Variants in TBC1D15 observed in about 807,000 individuals in gnomAD.
The protein encoded by TBC1D15 is GAP for RAB7.
TBC1D15 carries 39 observed loss-of-function variants against 95.4 expected under a neutral mutation model. The ratio of observed to expected loss-of-function variants is 0.41; its 90% confidence interval spans 0.32 to 0.53. The LOEUF (loss-of-function observed/expected upper bound fraction) is 0.53. Among genes scored for constraint, TBC1D15 ranks in the 20% least tolerant of loss-of-function variants. The pLI is 0.29. For missense variants in TBC1D15, 733 were observed against 794.3 expected (o/e 0.92, Z 0.93); for synonymous variants, 258 against 261.3 (o/e 0.99, Z 0.12).
At chr12:71,867,943 G>A (rs911368728) in intron 1 of TBC1D15, among the ~76,000 whole-genome samples, 91 of 152,308 alleles carry the variant, frequency 6.0e-4, no homozygotes, top group African/African-American at 2.1e-3. Flanking sequence ...AGTAAATTAT[G>A]TACCAATGCA....
intron 10 of TBC1D15, among the ~76,000 whole-genome samples, chr12:71,902,924 T>G (rs950295731): frequency 5.9e-5 from 9 of 152,162 alleles, no homozygotes; most frequent in Non-Finnish European, 8.8e-5. Context: ...AGCAGACTTT[T>G]TTTTTTGAGA....
At position 71,839,798 on chromosome 12, in the gene TBC1D15, T is replaced by C. The variant is rs1272101183; in HGVS notation, c.17T>C (p.Val6Ala). 6 of 1,614,064 alleles carry C rather than the reference T, an allele frequency of 3.7e-6. No homozygotes were observed. The highest frequency in any genetic ancestry group is 5.1e-6 in the Non-Finnish European group (6 of 1,179,996). MAAAG[V>A]VSGKIIYEQE... The stretch of plus-strand genomic sequence containing the variant: ...GCAGGAAACATGGCGGCGGCGGGTG[T>C]TGTGAGCGGGAAGGTAGGTAACGGC... The change falls in exon 1 of 17, where the codon GTT becomes GCT. Residue 6 changes from valine (V) to alanine (A), a missense_variant. Coordinates refer to ENST00000485960, the MANE Select transcript of TBC1D15 (RefSeq NM_001146213.3).
chr12:71,846,365 T>G (rs1886265062), intron 1 of TBC1D15, among the ~76,000 whole-genome samples: 1 of 152,240 alleles, frequency 6.6e-6, no homozygotes, highest in African/African-American at 2.4e-5. Flanking sequence ...TCCTTTTTTT[T>G]GTAGTATTTT....
At chr12:71,882,086 A>G (rs1370090870) in intron 4 of TBC1D15, among the ~76,000 whole-genome samples, 1 of 151,878 alleles carries the variant, frequency 6.6e-6, no homozygotes, top group Admixed American at 6.6e-5. Context: ...CCCCCAAAGA[A>G]AAAGCTTTTG....
At position 71,884,812 on chromosome 12, in the gene TBC1D15, T is replaced by A. The variant is rs1895906779; in HGVS notation, c.345T>A (p.Asp115Glu). Reference sequence around the variant, plus strand: ...TTGCCCCACTTTCTTGTTTTTAAGATGCTCCAAGTCATAGAAATGGGAAAA... The same window carrying A: ...TTGCCCCACTTTCTTGTTTTTAAGAAGCTCCAAGTCATAGAAATGGGAAAA... The part of the protein sequence containing the change: ...SFKRKPHTNG[D>E]APSHRNGKSK... Residue 115 changes from aspartate (D) to glutamate (E), a missense_variant and splice_region_variant, in exon 5 of 17, where the codon GAT becomes GAA. Asp to Glu is a conservative substitution (Grantham distance 45, BLOSUM62 2). Coordinates refer to ENST00000485960, the MANE Select transcript of TBC1D15 (RefSeq NM_001146213.3). The A allele has an allele frequency of 6.2e-7, 1 of 1,613,790 alleles. No individual in the cohort carries two copies.
At chr12:71,893,426 A>G (rs1897568478) in intron 6 of TBC1D15, 102 bp downstream of exon 6, 2 of 596,450 alleles carry the variant, frequency 3.4e-6, no homozygotes, top group Non-Finnish European at 5.5e-6. Flanking sequence ...ACAGGTACAT[A>G]TATATACATA....
chr12:71,918,965 G>A (rs1317078390), intron 14 of TBC1D15, among the ~76,000 whole-genome samples: 1 of 152,072 alleles, frequency 6.6e-6, no homozygotes, highest in African/African-American at 2.4e-5. Context: ...GGTTCAGGGA[G>A]TACATGTGCA....
chr12:71,886,600 A>G (rs1054611305), intron 5 of TBC1D15, among the ~76,000 whole-genome samples: 1 of 152,194 alleles, frequency 6.6e-6, no homozygotes, highest in East Asian at 1.9e-4. Context: ...AAGATTCTCG[A>G]CTGTGTATTT....
At chr12:71,892,119 T>A (rs1165460114) in intron 5 of TBC1D15, among the ~76,000 whole-genome samples, 1 of 152,088 alleles carries the variant, frequency 6.6e-6, no homozygotes, top group East Asian at 1.9e-4. Flanking sequence ...CCCCTCAAAA[T>A]ATTCAGAAAA....
chr12:71,866,745 C>T (rs1293823743), intron 1 of TBC1D15, among the ~76,000 whole-genome samples: 1 of 152,214 alleles, frequency 6.6e-6, no homozygotes, highest in African/African-American at 2.4e-5. Context: ...GCCACTGTGC[C>T]TGGCCTGTCT....
intron 14 of TBC1D15, among the ~76,000 whole-genome samples, chr12:71,919,790 A>G (rs1868547777): frequency 6.6e-6 from 1 of 152,218 alleles, no homozygotes; most frequent in African/African-American, 2.4e-5. Flanking sequence ...GGTCATCACC[A>G]AGGTCTGATT....
rs1280168283 is a variant in TBC1D15, at chr12:71,923,613, C to T, written c.*409C>T. The T allele has an allele frequency of 6.3e-6, 1 of 159,046 alleles. No individual in the cohort carries two copies. Among genetic ancestry groups the T allele is most frequent in the African/African-American group, 2.4e-5 (1 of 41,498 alleles). 9.9% of individuals were successfully genotyped at this position (159,046 alleles called of 1,614,324 possible). Reference sequence around the variant, plus strand: ...TTCTAAGCTGAGAAGTAGATTGTTACCCAGTAATGAAATAAAAAATAAAAA... The same window carrying T: ...TTCTAAGCTGAGAAGTAGATTGTTATCCAGTAATGAAATAAAAAATAAAAA... On this transcript the variant is annotated 3_prime_UTR_variant, in exon 17 of 17. Transcript: ENST00000485960.
chr12:71,853,326 C>T (rs1413508045), intron 1 of TBC1D15, among the ~76,000 whole-genome samples: 1 of 152,132 alleles, frequency 6.6e-6, no homozygotes, highest in Non-Finnish European at 1.5e-5. Context: ...CCCATAATTC[C>T]ATTACCTCCC....
At chr12:71,862,859 C>CT (rs200827795) in intron 1 of TBC1D15, among the ~76,000 whole-genome samples, 2,242 of 152,248 alleles carry the variant, frequency 0.015, 29 homozygotes, top group Non-Finnish European at 0.021. Context: ...TAATTTTCAT[C>CT]TTTTTTTCCT....
intron 10 of TBC1D15, among the ~76,000 whole-genome samples, chr12:71,906,752 C>G (rs1900815317): frequency 6.6e-6 from 1 of 151,080 alleles, no homozygotes; most frequent in African/African-American, 2.4e-5. Context: ...AAAATGTTTT[C>G]CACTATGCAG....
chr12:71,870,613 T>A (rs1892465728), intron 1 of TBC1D15, among the ~76,000 whole-genome samples: 1 of 152,236 alleles, frequency 6.6e-6, no homozygotes, highest in Non-Finnish European at 1.5e-5. Flanking sequence ...ATGTAGTGGC[T>A]AAGAGCGCAG....
intron 15 of TBC1D15, among the ~76,000 whole-genome samples, 156 bp downstream of exon 15, chr12:71,921,003 A>G (rs959749758): frequency 6.6e-6 from 1 of 152,142 alleles, no homozygotes; most frequent in Non-Finnish European, 1.5e-5. Context: ...ATGACAGTTC[A>G]AATACATATT....
intron 8 of TBC1D15, 123 bp from the exon 9 acceptor site, chr12:71,896,554 G>T: frequency 1.3e-6 from 1 of 756,936 alleles, no homozygotes; most frequent in Non-Finnish European, 2.1e-6. Flanking sequence ...TCACTGAATT[G>T]AACTATTTAC....
intron 11 of TBC1D15, chr12:71,913,498 A>C (rs1020398116): frequency 9.3e-6 from 2 of 214,712 alleles, no homozygotes; most frequent in African/African-American, 4.8e-5. Flanking sequence ...CCTCTGGATT[A>C]TCTCTTCACC....
Sources: allele counts gnomAD v4.1 joint callset (sites outside exome capture counted in the v4.1 genomes callset), GRCh38; gene constraint gnomAD v4.1.1; transcripts MANE v1.5; gene names NCBI Gene and HGNC (gene_info 2026-07-23, HGNC 2026-07-21).